Variants in ADAM12 observed in about 807,000 individuals in gnomAD.
The protein encoded by ADAM12 is ADAM metallopeptidase domain 12, also known as disintegrin and metalloproteinase domain-containing protein 12.
In ADAM12, 70 loss-of-function variants were observed where a neutral mutation model predicts 106.4. The observed-to-expected ratio is 0.66, with a 90% confidence interval of 0.54 to 0.80. ADAM12 has a LOEUF of 0.80. Ranked by LOEUF, ADAM12 falls within the 30% of genes least tolerant of loss-of-function variation. The probability of loss-of-function intolerance (pLI) is 0.00; values close to 1 mark genes in which losing one functional copy is unlikely to be tolerated. For synonymous variants in ADAM12, 420 were observed against 433.5 expected (o/e 0.97, Z 0.39); for missense variants, 1,010 against 1,171.9 (o/e 0.86, Z 2.02).
At chr10:126,143,430 T>C (rs1956560589) in intron 4 of ADAM12, among the ~76,000 whole-genome samples, 1 of 151,556 alleles carries the variant, frequency 6.6e-6, no homozygotes, top group Non-Finnish European at 1.5e-5. Context: ...TGTGTGTATA[T>C]GTATGTGTGT....
intron 3 of ADAM12, among the ~76,000 whole-genome samples, chr10:126,167,864 T>C (rs1313504143): frequency 6.6e-6 from 1 of 152,208 alleles, no homozygotes; most frequent in Non-Finnish European, 1.5e-5. Flanking sequence ...TATGAGTTGG[T>C]ATATGGCCAT....
intron 3 of ADAM12, among the ~76,000 whole-genome samples, chr10:126,256,413 T>C (rs1036597298): frequency 6.6e-5 from 10 of 152,214 alleles, no homozygotes; most frequent in African/African-American, 2.4e-4. Flanking sequence ...CTCCCTGCTC[T>C]TCCAGTCTCC....
In ADAM12 at chr10:126,055,582, A is replaced by G. The variant is rs75117901; in HGVS notation, c.1610-5913T>C. On this transcript the variant is annotated intron_variant, in intron 14 of 22. Coordinates refer to ENST00000448723, the MANE Select transcript of ADAM12 (RefSeq NM_001288973.2). ...TTTTAGCAACTTGCCGAAGATCACA[A>G]TGTAAATGGCAAAGTTGGGTTTGTC... 1.7e-3 allele frequency among the ~76,000 whole-genome samples: 259 copies of G among 152,264 alleles called. 1 individual carries two copies. In the East Asian group the frequency reaches 0.03, roughly 18 times the overall value.
chr10:126,134,509 T>C (rs1023081879), intron 5 of ADAM12, among the ~76,000 whole-genome samples: 1 of 152,238 alleles, frequency 6.6e-6, no homozygotes, highest in African/African-American at 2.4e-5. Context: ...GGAAGAGGAA[T>C]AGCTTTGTGT....
At chr10:126,258,606 C>G (rs541295609) in intron 3 of ADAM12, among the ~76,000 whole-genome samples, 1 of 152,190 alleles carries the variant, frequency 6.6e-6, no homozygotes, top group East Asian at 1.9e-4. Context: ...TCTTTGGTAG[C>G]CCCTTGGTCT....
In ADAM12 at chr10:126,049,795, C is replaced by G. The variant is rs181721236; in HGVS notation, c.1610-126G>C. On this transcript the variant is annotated intron_variant, in intron 14 of 22. Transcript: ENST00000448723. The surrounding 1 kb of genome is among the most constrained non-coding windows in gnomAD (Gnocchi z 4.4). ...CAATCACACCCAGTGTCTGTCCCGA[C>G]TCATGGTGGGAGCTGGCCAGGGGAA... 1 of 848,008 alleles carries G rather than the reference C, an allele frequency of 1.2e-6. No homozygotes were observed. The highest frequency in any genetic ancestry group is 1.8e-6 in the Non-Finnish European group (1 of 551,662). The allele number at this position is 848,008 out of a possible 1,614,324, so 52.5% of individuals were successfully genotyped here.
At chr10:126,109,505 C>T (rs560510219) in intron 7 of ADAM12, among the ~76,000 whole-genome samples, 1 of 152,176 alleles carries the variant, frequency 6.6e-6, no homozygotes, top group Non-Finnish European at 1.5e-5. Flanking sequence ...TCTGTCATTC[C>T]TCTCAGTTAA....
chr10:126,177,903 G>C (rs749131050), intron 3 of ADAM12, among the ~76,000 whole-genome samples: 1 of 152,208 alleles, frequency 6.6e-6, no homozygotes, highest in African/African-American at 2.4e-5. Flanking sequence ...AGCGAGCAAC[G>C]TGTCACTCAA....
chr10:126,255,246 C>T (rs1018975252), intron 3 of ADAM12, among the ~76,000 whole-genome samples: 8 of 152,202 alleles, frequency 5.3e-5, no homozygotes, highest in African/African-American at 1.9e-4. Context: ...CCTTTTGCTA[C>T]ACTCAATGAA....
chr10:126,222,322 A>C (rs1199952344), intron 3 of ADAM12, among the ~76,000 whole-genome samples: 1 of 151,950 alleles, frequency 6.6e-6, no homozygotes, highest in Non-Finnish European at 1.5e-5. Context: ...CGTGAAATTG[A>C]ATTGGCAGGT....
chr10:126,222,690 C>T (rs953966440), intron 3 of ADAM12, among the ~76,000 whole-genome samples: 2 of 151,866 alleles, frequency 1.3e-5, no homozygotes, highest in African/African-American at 2.4e-5. Flanking sequence ...GTTTTCTAAC[C>T]GTAAAGAAGA....
At chr10:126,164,081 C>T (rs998328809) in intron 3 of ADAM12, among the ~76,000 whole-genome samples, 5 of 152,136 alleles carry the variant, frequency 3.3e-5, no homozygotes, top group Non-Finnish European at 5.9e-5. Context: ...AACATGTTAT[C>T]AATTTCAAAC....
At chr10:126,275,919 T>C (rs1285711011) in intron 3 of ADAM12, among the ~76,000 whole-genome samples, 1 of 152,200 alleles carries the variant, frequency 6.6e-6, no homozygotes, top group Non-Finnish European at 1.5e-5. Flanking sequence ...CAGAGATACA[T>C]GTCATGTGTA....
At chr10:126,288,801 G>C (rs1219854885) in intron 2 of ADAM12, among the ~76,000 whole-genome samples, 1 of 150,492 alleles carries the variant, frequency 6.6e-6, no homozygotes, top group Non-Finnish European at 1.5e-5. Flanking sequence ...CTAAGGACCT[G>C]ACCACATGGT....
intron 3 of ADAM12, among the ~76,000 whole-genome samples, chr10:126,198,183 G>C (rs993786328): frequency 3.3e-5 from 5 of 152,224 alleles, no homozygotes; most frequent in Non-Finnish European, 5.9e-5. Context: ...TGTGGGAGGT[G>C]CAGATGCAGG....
intron 2 of ADAM12, among the ~76,000 whole-genome samples, chr10:126,329,577 C>G (rs995041651): frequency 6.6e-6 from 1 of 152,086 alleles, no homozygotes; most frequent in African/African-American, 2.4e-5. Context: ...GCATTTGGGC[C>G]TTTTAATCAA....
At chr10:126,184,843 C>A (rs188193167) in intron 3 of ADAM12, among the ~76,000 whole-genome samples, 89 of 152,192 alleles carry the variant, frequency 5.8e-4, no homozygotes, top group African/African-American at 2.0e-3. Flanking sequence ...AACAAGGGTA[C>A]GAGGACGTCA....
At chr10:126,321,753 G>T (rs1287748423) in intron 2 of ADAM12, among the ~76,000 whole-genome samples, 2 of 152,194 alleles carry the variant, frequency 1.3e-5, no homozygotes, top group Non-Finnish European at 2.9e-5. Context: ...GAGTCAAGAT[G>T]TATGAAGCAG....
At chr10:126,335,903 G>A (rs1030657190) in intron 1 of ADAM12, among the ~76,000 whole-genome samples, 2 of 152,038 alleles carry the variant, frequency 1.3e-5, no homozygotes, top group South Asian at 2.1e-4. Flanking sequence ...CTAATCATGA[G>A]ATAAATTCCC....
Sources: gnomAD v4.1 joint callset for allele counts (sites outside exome capture counted in the v4.1 genomes callset) on GRCh38, gnomAD v4.1.1 for gene constraint, Gnocchi (gnomAD v3.1) non-coding constraint, MANE v1.5 for transcripts, NCBI Gene and HGNC (gene_info 2026-07-23, HGNC 2026-07-21) for gene names.